ZDHHC17: variants seen among roughly 807,000 people sequenced by gnomAD.
ZDHHC17 encodes zDHHC palmitoyltransferase 17, also known as palmitoyltransferase ZDHHC17.
Under a neutral mutation model 90.3 loss-of-function variants are expected in ZDHHC17, and 40 were observed. That is an observed-to-expected ratio of 0.44 (90% confidence interval 0.34 to 0.58). ZDHHC17 has a LOEUF of 0.58. Among genes scored for constraint, ZDHHC17 ranks in the 20% least tolerant of loss-of-function variants. The probability of loss-of-function intolerance (pLI) is 0.01; values close to 1 mark genes in which losing one functional copy is unlikely to be tolerated. For synonymous variants in ZDHHC17, 235 were observed against 252.4 expected, an observed-to-expected ratio of 0.93 and a Z score of 0.65; for missense variants, 614 against 780.8, an observed-to-expected ratio of 0.79 and a Z score of 2.55.
intron 6 of ZDHHC17, among the ~76,000 whole-genome samples, chr12:76,815,442 GTTATCTTT>G (rs924133003): frequency 4.6e-5 from 7 of 151,642 alleles, no homozygotes; most frequent in Non-Finnish European, 8.8e-5. Context: ...AAGAAAAGAA[GTTATCTTT>G]TTTTAAAAAT....
chr12:76,828,473 T>C lies in ZDHHC17; in HGVS notation c.1124T>C (p.Phe375Ser). The change falls in exon 10 of 17, where the codon TTC (phenylalanine) becomes TCC (serine). Residue 375 changes from phenylalanine to serine, a missense_variant. Around this residue, in one of 5 missense-constraint regions of ZDHHC17, gnomAD observed 117 missense variants for 183.6 expected, o/e 0.64. Transcript: ENST00000426126. ...AAATTCTGGATGTATGTGACGTGGT[T>C]CTTCTGGTTTTGGAATGATATCCTT... ...ATKFWMYVTWFFWFWNDLNFL... is the reference protein window; with the variant it reads ...ATKFWMYVTWSFWFWNDLNFL... The C allele has an allele frequency of 6.2e-7, 1 of 1,613,282 alleles. No individual in the cohort carries two copies.
At chr12:76,780,461 C>A (rs184121728) in intron 1 of ZDHHC17, among the ~76,000 whole-genome samples, 1 of 152,290 alleles carries the variant, frequency 6.6e-6, no homozygotes, top group East Asian at 1.9e-4. Context: ...TGTTAGTGAT[C>A]ATTTCTCTCA....
chr12:76,802,562 G>T (rs976786107), intron 2 of ZDHHC17, among the ~76,000 whole-genome samples: 11 of 152,112 alleles, frequency 7.2e-5, no homozygotes, highest in African/African-American at 2.7e-4. Context: ...CAATGTGTGT[G>T]TTGTTCTACT....
chr12:76,830,869 A>AT (rs34229309), intron 10 of ZDHHC17, among the ~76,000 whole-genome samples: 1 of 151,822 alleles, frequency 6.6e-6, no homozygotes, highest in Non-Finnish European at 1.5e-5. Flanking sequence ...GTAAAATTTC[A>AT]TTTTTTTCCT....
intron 2 of ZDHHC17, among the ~76,000 whole-genome samples, chr12:76,801,031 G>A (rs1473249776): frequency 6.6e-6 from 1 of 151,424 alleles, no homozygotes; most frequent in African/African-American, 2.4e-5. Flanking sequence ...GGGATTTCAG[G>A]CATGCACCAC....
intron 7 of ZDHHC17, chr12:76,821,004 G>C: frequency 9.5e-7 from 1 of 1,057,760 alleles, no homozygotes. Flanking sequence ...ATAGTTAGAT[G>C]ACTGGAGGAG....
chr12:76,816,168 T>C (rs1157961388), intron 7 of ZDHHC17, 149 bp downstream of exon 7: 2 of 535,206 alleles, frequency 3.7e-6, no homozygotes, highest in Non-Finnish European at 5.9e-6. Context: ...TAATACATTT[T>C]AATAATTCTT....
intron 10 of ZDHHC17, among the ~76,000 whole-genome samples, chr12:76,839,079 T>C (rs941234414): frequency 5.9e-5 from 9 of 152,180 alleles, no homozygotes; most frequent in Non-Finnish European, 1.3e-4. Flanking sequence ...CATTCTACTT[T>C]ATATAAGGAA....
intron 16 of ZDHHC17, 92 bp from the exon 17 acceptor site, chr12:76,850,755 A>G: frequency 6.7e-7 from 1 of 1,496,762 alleles, no homozygotes; most frequent in South Asian, 1.4e-5. Context: ...AAGTTTAGAA[A>G]AAAATATATT....
intron 15 of ZDHHC17, among the ~76,000 whole-genome samples, chr12:76,849,049 C>T (rs1024062825): frequency 4.9e-5 from 7 of 142,308 alleles, no homozygotes; most frequent in South Asian, 2.2e-4. Context: ...ACTTGGAAGC[C>T]GAGGTGGGCG....
chr12:76,802,913 C>G (rs1259274847), intron 2 of ZDHHC17, among the ~76,000 whole-genome samples: 1 of 152,156 alleles, frequency 6.6e-6, no homozygotes, highest in Non-Finnish European at 1.5e-5. Flanking sequence ...ACCCATACAG[C>G]CGTTCTTTTT....
At chr12:76,777,502 T>A (rs1483829423) in intron 1 of ZDHHC17, among the ~76,000 whole-genome samples, 3 of 152,206 alleles carry the variant, frequency 2.0e-5, no homozygotes, top group Non-Finnish European at 2.9e-5. Flanking sequence ...AACATTTGTG[T>A]ACAAGTATTC....
chr12:76,849,118 T>TAC lies in ZDHHC17; in HGVS notation c.1666-257_1666-256insCA, dbSNP rs1402724982. Among the ~76,000 whole-genome samples, 238 of 48,448 alleles carry TAC rather than the reference T, an allele frequency of 4.9e-3. 10 individuals carry two copies. The highest frequency in any genetic ancestry group is 6.0e-3 in the Non-Finnish European group (145 of 24,046). The allele number at this position is 48,448 out of a possible 152,430, so 31.8% of individuals were successfully genotyped here. A position where few individuals can be genotyped will look rare whatever the true frequency, so the allele number is the denominator to read the frequency against. ...GGGCAACATGGTTAAACCCTATCTC[T>TAC]AAAAAAAAAAAAAAAAAAAAAAACC... is the stretch of plus-strand genomic sequence containing the variant. On this transcript the variant is annotated intron_variant, in intron 15 of 16. Coordinates refer to ENST00000426126, the MANE Select transcript of ZDHHC17 (RefSeq NM_015336.4).
In ZDHHC17 at chr12:76,764,160, C is replaced by T; in HGVS notation, c.-77C>T. ...AGGAGGAGGAGGCCCGCGTCGCCTC[C>T]GGCGGGGCTCGCGCTCGCCCCGCGC... On this transcript the variant is annotated 5_prime_UTR_variant, in exon 1 of 17. Transcript: ENST00000426126. The T allele has an allele frequency of 1.0e-5, 12 of 1,170,060 alleles. No individual in the cohort carries two copies. Among genetic ancestry groups the T allele is most frequent in the Middle Eastern group, 2.9e-4 (1 of 3,508 alleles). 72.5% of individuals were successfully genotyped at this position (1,170,060 alleles called of 1,614,324 possible). A position where few individuals can be genotyped will look rare whatever the true frequency, so the allele number is the denominator to read the frequency against.
chr12:76,801,244 T>G (rs564108346), intron 2 of ZDHHC17, among the ~76,000 whole-genome samples: 3 of 148,384 alleles, frequency 2.0e-5, no homozygotes, highest in Non-Finnish European at 4.5e-5. Flanking sequence ...TGCATTACTG[T>G]TTTTTTTTTG....
intron 16 of ZDHHC17, among the ~76,000 whole-genome samples, chr12:76,850,104 A>G (rs1471354981): frequency 1.3e-5 from 2 of 151,972 alleles, no homozygotes; most frequent in Non-Finnish European, 2.9e-5. Flanking sequence ...TTTAGTAGAG[A>G]TGGGGTTTCA....
At chr12:76,765,717 T>G (rs1952422483) in intron 1 of ZDHHC17, among the ~76,000 whole-genome samples, 1 of 152,230 alleles carries the variant, frequency 6.6e-6, no homozygotes, top group South Asian at 2.1e-4. Flanking sequence ...GTTTATTTTT[T>G]TGAGACGGGG....
chr12:76,798,794 G>A (rs1281631769), intron 2 of ZDHHC17, among the ~76,000 whole-genome samples: 1 of 152,096 alleles, frequency 6.6e-6, no homozygotes, highest in African/African-American at 2.4e-5. Flanking sequence ...AGAGAGAGTG[G>A]GGAGGAGGTA....
At chr12:76,804,346 C>T (rs1333307597) in intron 2 of ZDHHC17, among the ~76,000 whole-genome samples, 1 of 152,190 alleles carries the variant, frequency 6.6e-6, no homozygotes, top group Non-Finnish European at 1.5e-5. Context: ...ATTAGACTCA[C>T]TCTCCTATGA....
Sources: gnomAD v4.1 joint callset for allele counts (sites outside exome capture counted in the v4.1 genomes callset) on GRCh38, gnomAD v4.1.1 for gene constraint, gnomAD v4.1.1 regional missense constraint, MANE v1.5 for transcripts, NCBI Gene and HGNC (gene_info 2026-07-23, HGNC 2026-07-21) for gene names.